The following RCC1L variants were observed in gnomAD, a reference collection of about 807,000 sequenced individuals.
The protein encoded by RCC1L is RCC1 like.
Under a neutral mutation model 58.6 loss-of-function variants are expected in RCC1L, and 46 were observed. That is an observed-to-expected ratio of 0.79 (90% CI 0.62 to 1.00). The LOEUF (loss-of-function observed/expected upper bound fraction) is 1.00. Ranked by LOEUF, RCC1L falls within the 50% of genes least tolerant of loss-of-function variation. RCC1L has a pLI of 0.00. For missense variants in RCC1L, 636 were observed against 623.6 expected (o/e 1.02, Z -0.21); for synonymous variants, 281 against 262.9 (o/e 1.07, Z -0.67).
exon 11 of RCC1L, chr7:75,027,137 T>C (rs1488629542): frequency 1.3e-5 from 2 of 152,264 alleles, no homozygotes; most frequent in Admixed American, 1.3e-4. Context: ...ACCATATATT[T>C]TTAATTCAAG....
chr7:75,049,455 G>A (rs1330698537), intron 10 of RCC1L, among the ~76,000 whole-genome samples: 2 of 151,384 alleles, frequency 1.3e-5, no homozygotes, highest in Non-Finnish European at 2.9e-5. Flanking sequence ...GAGACCAGGA[G>A]GTTGAGATCA....
chr7:75,043,514 G>GC (rs2131977044), intron 10 of RCC1L, among the ~76,000 whole-genome samples: 1 of 152,306 alleles, frequency 6.6e-6, no homozygotes, highest in South Asian at 2.1e-4. Context: ...TAGGCTCCAT[G>GC]CCCCCAGGCC....
intron 7 of RCC1L, 72 bp downstream of exon 7, chr7:75,058,516 C>T: frequency 6.5e-7 from 1 of 1,528,992 alleles, no homozygotes; most frequent in Admixed American, 2.0e-5. Flanking sequence ...CAGGTGTGAG[C>T]CACCACACCC....
At chr7:75,061,143 C>T in intron 6 of RCC1L, 64 bp downstream of exon 6, 9 of 1,356,308 alleles carry the variant, frequency 6.6e-6, no homozygotes, top group Non-Finnish European at 9.5e-6. Context: ...TGCCCTACAG[C>T]TCACAGCTCC....
chr7:75,043,167 C>T lies in RCC1L; in HGVS notation c.1318-58G>A, dbSNP rs1466495402. The T allele has an allele frequency of 2.8e-5, 45 of 1,603,610 alleles. No individual in the cohort carries two copies. In the East Asian group the frequency reaches 7.1e-4, roughly 25 times the overall value. ...GGGTGGCGCACCCGGAGGAGACAGG[C>T]GCTGGTGTTGGCCGACCCGGCCCTG... On this transcript the variant is annotated intron_variant, in intron 10 of 10. Transcript: ENST00000610322.
At chr7:75,039,028 A>G (rs1170875600), downstream of RCC1L, among the ~76,000 whole-genome samples, 2 of 152,116 alleles carry the variant, frequency 1.3e-5, no homozygotes, top group African/African-American at 4.8e-5. Flanking sequence ...TTCAGTGGAG[A>G]TGGGGTTTTG....
intron 4 of RCC1L, among the ~76,000 whole-genome samples, chr7:75,063,782 C>T (rs1334746079): frequency 2.6e-5 from 4 of 151,806 alleles, no homozygotes; most frequent in Non-Finnish European, 5.9e-5. Flanking sequence ...TAGCCAAGTG[C>T]GGTGGCGGAC....
Position 75,032,546 on chromosome 7 carries a change from G to T in RCC1L, c.1318-4467C>A, listed in dbSNP as rs1001585279. Among the ~76,000 whole-genome samples the T allele has an allele frequency of 7.0e-3, 1,063 of 152,244 alleles. 10 individuals carry two copies. Among genetic ancestry groups the T allele is most frequent in the Non-Finnish European group, 0.012 (794 of 68,018 alleles). ...TTCTCCTCTCTGAGATTTTCCATGG[G>T]GGGGTAGCTGTGAGCAGGGCAGAGC... On this transcript the variant is annotated intron_variant, in intron 10 of 10. Coordinates refer to the RCC1L transcript ENST00000614461.
intron 1 of RCC1L, 39 bp downstream of exon 1, chr7:75,073,375 A>C: frequency 1.1e-6 from 1 of 922,952 alleles, no homozygotes; most frequent in Non-Finnish European, 1.5e-6. Flanking sequence ...GGAGCGCGGA[A>C]GAGAGAGAAG....
chr7:75,039,682 C>T (rs941772723), downstream of RCC1L, among the ~76,000 whole-genome samples: 7 of 152,072 alleles, frequency 4.6e-5, no homozygotes, highest in Non-Finnish European at 1.0e-4. Flanking sequence ...CACCCGGGTG[C>T]CTCTCTGACC....
At chr7:75,064,155 C>T (rs1806372020) in intron 4 of RCC1L, among the ~76,000 whole-genome samples, 1 of 151,912 alleles carries the variant, frequency 6.6e-6, no homozygotes, top group Admixed American at 6.6e-5. Context: ...TATGGTGAAA[C>T]CCCCTCTCTA....
chr7:75,069,481 A>C (rs1806642738), intron 2 of RCC1L, among the ~76,000 whole-genome samples: 1 of 152,282 alleles, frequency 6.6e-6, no homozygotes, highest in African/African-American at 2.4e-5. Flanking sequence ...TGCTGGGATT[A>C]CAGGCGTGAG....
At chr7:75,029,033 G>C (rs1333781546) in intron 10 of RCC1L, among the ~76,000 whole-genome samples, 1 of 152,266 alleles carries the variant, frequency 6.6e-6, no homozygotes, top group Non-Finnish European at 1.5e-5. Flanking sequence ...TTCAGCAGGA[G>C]GAGGCTTGGT....
At chr7:75,033,071 CAAAAAAAAAAAAAA>C (rs71098024) in intron 10 of RCC1L, among the ~76,000 whole-genome samples, 6 of 70,138 alleles carry the variant, frequency 8.6e-5, no homozygotes, top group Admixed American at 3.5e-4. Context: ...GACTTTGTCT[CAAAAAAAAAAAAAA>C]AAAAAAAAAG....
chr7:75,027,754 C>G (rs1370649291), exon 11 of RCC1L: 10 of 491,000 alleles, frequency 2.0e-5, no homozygotes, highest in African/African-American at 1.8e-4. Flanking sequence ...TTTTCCCATC[C>G]CCATCCTGCT....
Position 75,042,344 on chromosome 7 carries a change from C to T in RCC1L, c.*688G>A, listed in dbSNP as rs1254732235. 14 of 985,490 alleles carry T rather than the reference C, an allele frequency of 1.4e-5. No homozygotes were observed. Among genetic ancestry groups the T allele is most frequent in the African/African-American group, 7.0e-5 (4 of 57,250 alleles). 61.0% of individuals were successfully genotyped at this position (985,490 alleles called of 1,614,324 possible). On this transcript the variant is annotated 3_prime_UTR_variant, in exon 11 of 11. Transcript: ENST00000610322. ...GCAGCTGAGCCTTGGCGGATATGCTCGGGGCCCTCGGCGCAGAGGAACTTG... is the reference window on the plus strand; with the variant it reads ...GCAGCTGAGCCTTGGCGGATATGCTTGGGGCCCTCGGCGCAGAGGAACTTG...
intron 5 of RCC1L, among the ~76,000 whole-genome samples, chr7:75,062,619 A>G (rs1204112440): frequency 6.6e-6 from 1 of 152,208 alleles, no homozygotes; most frequent in African/African-American, 2.4e-5. Flanking sequence ...TCCCCAGAAT[A>G]GTGCCTGGCT....
intron 3 of RCC1L, among the ~76,000 whole-genome samples, chr7:75,065,694 G>C (rs1004239085): frequency 2.0e-5 from 3 of 152,168 alleles, no homozygotes; most frequent in Non-Finnish European, 2.9e-5. Context: ...GTATGTGTTA[G>C]CAAATAGGCT....
chr7:75,063,377 G>A, intron 4 of RCC1L, 34 bp from the exon 5 acceptor site: 1 of 1,612,364 alleles, frequency 6.2e-7, no homozygotes, highest in Non-Finnish European at 8.5e-7. Flanking sequence ...AGAAGCAAGG[G>A]ATGCGGTCAT....
Sources: allele counts gnomAD v4.1 joint callset (sites outside exome capture counted in the v4.1 genomes callset), GRCh38; gene constraint gnomAD v4.1.1; transcripts MANE v1.5; gene names NCBI Gene and HGNC (gene_info 2026-07-23, HGNC 2026-07-21).